Variants in DST observed in about 807,000 individuals in gnomAD.
The protein encoded by DST is dystonin, also known as bullous pemphigoid antigen.
In DST, 253 loss-of-function variants were observed where a neutral mutation model predicts 875.2. The observed-to-expected ratio is 0.29, with a 90% confidence interval of 0.26 to 0.32. DST has a LOEUF of 0.32. Ranked by LOEUF, DST falls within the 10% of genes least tolerant of loss-of-function variation. The probability of loss-of-function intolerance (pLI) is 1.00; values close to 1 mark genes in which losing one functional copy is unlikely to be tolerated. For synonymous variants in DST, 3,124 were observed against 3,197.1 expected, an observed-to-expected ratio of 0.98 and a Z score of 0.77; for missense variants, 8,287 against 9,111.6, an observed-to-expected ratio of 0.91 and a Z score of 3.68.
rs1169474859 is a variant in DST at position 56,607,296 on chromosome 6, C to T, written c.7332G>A (p.Leu2444=). ...CATTAAAACTTCCCTGACTGTGCAT[C>T]AATTTATCATGACTTAACAAGGCAC... The part of the protein sequence containing the change: ...RLSALLSHDK[L]MHSQGSFNDT... The change falls in exon 40 of 104, where the codon TTG becomes TTA. Residue 2444 remains leucine, a synonymous_variant. Transcript: ENST00000680361. 2.5e-6 allele frequency: 4 copies of T among 1,613,476 alleles called. No homozygotes were observed. In the East Asian group the frequency reaches 6.7e-5, roughly 27 times the overall value.
chr6:56,514,628 C>T (rs563616357), intron 72 of DST, among the ~76,000 whole-genome samples: 6 of 145,998 alleles, frequency 4.1e-5, no homozygotes, highest in South Asian at 2.2e-4. Context: ...CATGCGCATA[C>T]ACACACACAT....
rs1415141776 is a variant in DST at position 56,469,869 on chromosome 6, C to T, written c.22551+14G>A. 1 of 1,607,316 alleles carries T rather than the reference C, an allele frequency of 6.2e-7. No individual in the cohort carries two copies. ...GTCCTTTAAAGGAACTACAACATTA[C>T]TTTGAAAACTTACCCTGTATTTATT... On this transcript the variant is annotated intron_variant, in intron 97 of 103. Transcript: ENST00000680361.
rs534382284 is a variant in DST at position 56,839,067 on chromosome 6, C to T, written c.625+12330G>A. On this transcript the variant is annotated intron_variant, in intron 4 of 103. Coordinates refer to ENST00000680361, the MANE Select transcript of DST (RefSeq NM_001374736.1). ...TTTTGTTCAGGGCACTAAATGAAGC[C>T]GGCTTAAAAATCTACATTTCCTAGT... Among the ~76,000 whole-genome samples the T allele has an allele frequency of 9.9e-5, 15 of 152,236 alleles. No homozygotes were observed. The East Asian group carries it at 2.3e-3, about 23-fold the overall frequency.
In DST at chr6:56,606,419, C is replaced by T; in HGVS notation, c.8209G>A (p.Glu2737Lys). ...TCATAATCAGTCAATGAGTCAGATTCATCACCTTCAAGGATATTTGTGCAT... is the reference window on the plus strand; with the variant it reads ...TCATAATCAGTCAATGAGTCAGATTTATCACCTTCAAGGATATTTGTGCAT... ...RECTNILEGDESDSLTDYDIV... is the reference protein window; with the variant it reads ...RECTNILEGDKSDSLTDYDIV... The change falls in exon 40 of 104, where the codon GAA (glutamate) becomes AAA (lysine). Residue 2737 changes from glutamate to lysine, a missense_variant. Coordinates refer to ENST00000680361, the MANE Select transcript of DST (RefSeq NM_001374736.1). 3 of 1,613,408 alleles carry T rather than the reference C, an allele frequency of 1.9e-6. No homozygotes were observed. Among genetic ancestry groups the T allele is most frequent in the Non-Finnish European group, 2.5e-6 (3 of 1,179,586 alleles).
chr6:56,596,175 C>T (rs764899860), intron 47 of DST, among the ~76,000 whole-genome samples: 52 of 151,746 alleles, frequency 3.4e-4, no homozygotes, highest in Non-Finnish European at 6.5e-4. Flanking sequence ...ATTACAGGCA[C>T]GCACCACCAC....
At chr6:56,626,484 G>A (rs1238077199) in intron 34 of DST, among the ~76,000 whole-genome samples, 1 of 151,972 alleles carries the variant, frequency 6.6e-6, no homozygotes, top group African/African-American at 2.4e-5. Context: ...CTAGGAGCAA[G>A]AGGCTGTACC....
At chr6:56,601,313 T>C (rs868401607) in intron 44 of DST, 130 bp downstream of exon 44, 11 of 624,692 alleles carry the variant, frequency 1.8e-5, no homozygotes, top group South Asian at 6.0e-5. Flanking sequence ...GTAGGATTTG[T>C]ATGTACACTG....
At position 56,629,341 on chromosome 6, in the gene DST, T is replaced by C. The variant is rs1283509489; in HGVS notation, c.4384A>G (p.Lys1462Glu). 2.5e-6 allele frequency: 4 copies of C among 1,613,794 alleles called. No homozygotes were observed. The highest frequency in any genetic ancestry group is 3.4e-6 in the Non-Finnish European group (4 of 1,179,794). ...CAGTCAAAATCAAGGTCCCGTTCTT[T>C]ATACGTTTTAAACATTTCATCACTG... ...AISDEMFKTY[K>E]ERDLDFDWHK... Residue 1462 changes from lysine (K) to glutamate (E), a missense_variant, in exon 32 of 104, where the codon AAA becomes GAA. Coordinates refer to ENST00000680361, the MANE Select transcript of DST (RefSeq NM_001374736.1).
chr6:56,885,721 C>T (rs1784411318), intron 3 of DST, among the ~76,000 whole-genome samples: 2 of 152,164 alleles, frequency 1.3e-5, no homozygotes, highest in African/African-American at 2.4e-5. Flanking sequence ...AAGGTGTCAT[C>T]GCTGAGGAAC....
Position 56,608,211 on chromosome 6 carries a change from T to G in DST, c.6417A>C (p.Lys2139Asn). ...GCATTTTATCAGGCAGTGTTATATT[T>G]TTTAAAATTGATGCTGTGTTGTTGT... ...IIDNNTASIL[K>N]NITLPDKMPD... The change falls in exon 40 of 104, where the codon AAA becomes AAC. Residue 2139 changes from lysine to asparagine, a missense_variant. Transcript: ENST00000680361. 6.2e-7 allele frequency: 1 copy of G among 1,613,676 alleles called. No homozygotes were observed. Among genetic ancestry groups the G allele is most frequent in the Non-Finnish European group, 8.5e-7 (1 of 1,179,752 alleles).
chr6:56,627,867 A>ATATTTT (rs1384044400), intron 33 of DST, 132 bp downstream of exon 33: 1 of 837,952 alleles, frequency 1.2e-6, no homozygotes, highest in African/African-American at 1.7e-5. Flanking sequence ...CAAGATTTTA[A>ATATTTT]TATTTTTTAT....
intron 4 of DST, among the ~76,000 whole-genome samples, chr6:56,816,122 C>T (rs2099766201): frequency 1.3e-5 from 2 of 152,128 alleles, no homozygotes; most frequent in Admixed American, 1.3e-4. Context: ...GAAAAATAAA[C>T]ACCCTGAAAG....
At position 56,607,719 on chromosome 6, in the gene DST, T is replaced by C. The variant is rs767049892; in HGVS notation, c.6909A>G (p.Glu2303=). ...PENRKCAIDE[E]FNEMRNTVIN... ...TAACAGTATTTCTCATTTCATTAAA[T>C]TCTTCATCTATAGCACACTTTCTAT... Residue 2303 remains glutamate (E), a synonymous_variant, in exon 40 of 104, where the codon GAA becomes GAG. Coordinates refer to ENST00000680361, the MANE Select transcript of DST (RefSeq NM_001374736.1). 1 of 1,613,498 alleles carries C rather than the reference T, an allele frequency of 6.2e-7. No homozygotes were observed. Among genetic ancestry groups the C allele is most frequent in the Non-Finnish European group, 8.5e-7 (1 of 1,179,664 alleles).
rs1240010058 is a variant in DST at position 56,928,152 on chromosome 6, C to G, written c.216+25633G>C. On this transcript the variant is annotated intron_variant, in intron 2 of 103. Transcript: ENST00000680361. Reference sequence around the variant, plus strand: ...ACAAGGCGGAGTGATGAGGCTGGCTCTGGCAATCTAGAAAAATAAATACAT... The same window carrying G: ...ACAAGGCGGAGTGATGAGGCTGGCTGTGGCAATCTAGAAAAATAAATACAT... 2.0e-5 allele frequency among the ~76,000 whole-genome samples: 3 copies of G among 152,162 alleles called. No individual in the cohort carries two copies. In the East Asian group the frequency reaches 5.8e-4, roughly 29 times the overall value.
chr6:56,948,510 C>A (rs1279641126), intron 2 of DST, among the ~76,000 whole-genome samples: 1 of 152,150 alleles, frequency 6.6e-6, no homozygotes, highest in Non-Finnish European at 1.5e-5. Flanking sequence ...AGGGTTCCAT[C>A]GGGCTACTCA....
At chr6:56,843,606 C>A in intron 4 of DST, 5 of 983,688 alleles carry the variant, frequency 5.1e-6, no homozygotes, top group Non-Finnish European at 6.0e-6. Context: ...GCGGGAGGAC[C>A]GGCGCGCTGC....
chr6:56,566,170 T>C (rs1215239063), intron 55 of DST, among the ~76,000 whole-genome samples: 1 of 152,068 alleles, frequency 6.6e-6, no homozygotes, highest in East Asian at 1.9e-4. Flanking sequence ...ACCACTTAGC[T>C]CCATGGCTTC....
At chr6:56,575,317 T>C (rs929218676) in intron 50 of DST, among the ~76,000 whole-genome samples, 1 of 152,150 alleles carries the variant, frequency 6.6e-6, no homozygotes, top group Admixed American at 6.5e-5. Context: ...TCATACAATA[T>C]ACCTTTCTAA....
intron 61 of DST, among the ~76,000 whole-genome samples, chr6:56,543,186 AG>A (rs1372120651): frequency 6.6e-6 from 1 of 152,214 alleles, no homozygotes. Flanking sequence ...AAATGGGAAA[AG>A]GGGGGCTACA....
Sources: gnomAD v4.1 joint callset for allele counts (sites outside exome capture counted in the v4.1 genomes callset) on GRCh38, gnomAD v4.1.1 for gene constraint, MANE v1.5 for transcripts, NCBI Gene and HGNC (gene_info 2026-07-23, HGNC 2026-07-21) for gene names.